PDIA5: variants seen among roughly 807,000 people sequenced by gnomAD.
PDIA5 encodes protein disulfide-isomerase A5.
Under a neutral mutation model 77.6 loss-of-function variants are expected in PDIA5, and 58 were observed. The observed-to-expected ratio is 0.75, with a 90% CI of 0.61 to 0.93. PDIA5 has a LOEUF of 0.93. Ranked by LOEUF, PDIA5 falls within the 40% of genes least tolerant of loss-of-function variation. PDIA5 has a pLI of 0.00. For synonymous variants in PDIA5, 250 were observed against 252.1 expected, an observed-to-expected ratio of 0.99 and a Z score of 0.08; for missense variants, 630 against 647.7, an observed-to-expected ratio of 0.97 and a Z score of 0.30.
At chr3:123,086,123 A>C (rs1934131904) in intron 1 of PDIA5, among the ~76,000 whole-genome samples, 3 of 152,162 alleles carry the variant, frequency 2.0e-5, no homozygotes, top group Admixed American at 2.0e-4. Context: ...TTGAATTCCA[A>C]TGGCAGATTA....
At chr3:123,087,689 G>A (rs1253924131) in intron 1 of PDIA5, among the ~76,000 whole-genome samples, 1 of 151,764 alleles carries the variant, frequency 6.6e-6, no homozygotes, top group Non-Finnish European at 1.5e-5. Context: ...CCATTGGTTT[G>A]TTCTGGTCTC....
intron 1 of PDIA5, among the ~76,000 whole-genome samples, chr3:123,073,544 C>T (rs1421166056): frequency 2.6e-5 from 4 of 152,354 alleles, no homozygotes; most frequent in Admixed American, 2.6e-4. Flanking sequence ...CCTACATCAG[C>T]AGGGCCTCTT....
At chr3:123,105,797 G>A (rs745944614) in intron 5 of PDIA5, among the ~76,000 whole-genome samples, 6 of 152,084 alleles carry the variant, frequency 3.9e-5, no homozygotes, top group Non-Finnish European at 7.4e-5. Flanking sequence ...TCGCTGGAGC[G>A]TGGTCAAAGT....
chr3:123,131,970 C>A (rs538497645), intron 11 of PDIA5, among the ~76,000 whole-genome samples: 4 of 152,172 alleles, frequency 2.6e-5, no homozygotes, highest in African/African-American at 9.6e-5. Context: ...GATGGTTAGT[C>A]CATAGAGGCA....
At chr3:123,086,094 C>T (rs915530520) in intron 1 of PDIA5, among the ~76,000 whole-genome samples, 1 of 152,104 alleles carries the variant, frequency 6.6e-6, no homozygotes, top group Non-Finnish European at 1.5e-5. Flanking sequence ...GATGGGTTTA[C>T]TCTGGGAAGA....
At chr3:123,140,594 G>GCCTGTGGAGAGGT (rs112965174) in intron 11 of PDIA5, among the ~76,000 whole-genome samples, 55,647 of 151,966 alleles carry the variant, frequency 0.37, 11,756 homozygotes, top group African/African-American at 0.59. Flanking sequence ...GGTGGATGTT[G>GCCTGTGGAGAGGT]CCTATCCATC....
At chr3:123,082,367 G>C (rs1210639669) in intron 1 of PDIA5, among the ~76,000 whole-genome samples, 1 of 152,060 alleles carries the variant, frequency 6.6e-6, no homozygotes, top group African/African-American at 2.4e-5. Flanking sequence ...GTGTGACCTT[G>C]GTAATTAATG....
At chr3:123,147,628 T>C (rs955187896) in intron 13 of PDIA5, among the ~76,000 whole-genome samples, 2 of 152,222 alleles carry the variant, frequency 1.3e-5, no homozygotes, top group Non-Finnish European at 2.9e-5. Context: ...GATGAGATCC[T>C]GGCCTCAGCT....
intron 8 of PDIA5, among the ~76,000 whole-genome samples, chr3:123,117,387 T>C (rs550422404): frequency 7.4e-6 from 1 of 135,194 alleles, no homozygotes; most frequent in African/African-American, 2.8e-5. Flanking sequence ...TATATATATA[T>C]ATATATATAT....
rs1295947127 is a variant in PDIA5, at chr3:123,067,185, G to A, written c.21G>A (p.Ala7=). 14 of 1,247,424 alleles carry A rather than the reference G, an allele frequency of 1.1e-5. No individual in the cohort carries two copies. Among genetic ancestry groups the A allele is most frequent in the South Asian group, 3.9e-5 (1 of 25,362 alleles). 77.3% of individuals were successfully genotyped at this position (1,247,424 alleles called of 1,614,324 possible). A position where few individuals can be genotyped will look rare whatever the true frequency, so the allele number is the denominator to read the frequency against. MARAGP[A]WLLLAIWVVL... ...CTGGGATGGCGCGGGCCGGGCCGGC[G>A]TGGCTGCTGCTGGCAATCTGGGTGA... is the stretch of plus-strand genomic sequence containing the variant. Residue 7 remains alanine, a synonymous_variant, in exon 1 of 17, where the codon GCG becomes GCA. Transcript: ENST00000316218.
intron 10 of PDIA5, among the ~76,000 whole-genome samples, chr3:123,130,199 T>A (rs1467404046): frequency 6.6e-6 from 1 of 152,228 alleles, no homozygotes; most frequent in African/African-American, 2.4e-5. Context: ...GAAGTGAGAT[T>A]TCTTAGGCTA....
intron 11 of PDIA5, among the ~76,000 whole-genome samples, chr3:123,144,162 G>C (rs1560552968): frequency 6.6e-6 from 1 of 152,198 alleles, no homozygotes; most frequent in African/African-American, 2.4e-5. Flanking sequence ...CTCAGCTGGA[G>C]GCAGGAAAGC....
chr3:123,091,770 G>C (rs925710359), intron 2 of PDIA5, among the ~76,000 whole-genome samples: 4 of 152,164 alleles, frequency 2.6e-5, no homozygotes, highest in Non-Finnish European at 5.9e-5. Context: ...ATGTGGCTTA[G>C]GTGTCTTTGG....
intron 13 of PDIA5, among the ~76,000 whole-genome samples, chr3:123,147,653 CT>C (rs2107984008): frequency 6.6e-6 from 1 of 152,290 alleles, no homozygotes; most frequent in East Asian, 1.9e-4. Context: ...CCACTTTGTC[CT>C]GCTCATCCAC....
At chr3:123,124,202 G>A (rs1935188473) in intron 9 of PDIA5, 45 bp downstream of exon 9, 2 of 1,576,616 alleles carry the variant, frequency 1.3e-6, no homozygotes. Flanking sequence ...CCTCCCTGGT[G>A]ATTGACCATA....
rs1049035691 is a variant in PDIA5 at position 123,102,004 on chromosome 3, G to A, written c.258-407G>A. On this transcript the variant is annotated intron_variant, in intron 3 of 16. Transcript: ENST00000316218. ...GGCTCACTGCAACCTCTGCCTCCTG[G>A]GTTCAAGCGATTCTCCTGCCTCAGC... 1.8e-4 allele frequency among the ~76,000 whole-genome samples: 25 copies of A among 139,630 alleles called. No individual in the cohort carries two copies. The South Asian group carries it at 1.9e-3, about 11-fold the overall frequency. The allele number at this position is 139,630 out of a possible 152,430, so 91.6% of individuals were successfully genotyped here.
intron 10 of PDIA5, among the ~76,000 whole-genome samples, chr3:123,124,586 G>T (rs1358193386): frequency 1.3e-5 from 2 of 152,222 alleles, no homozygotes; most frequent in African/African-American, 2.4e-5. Flanking sequence ...CTGCCTGGGT[G>T]TTGGGTGTGG....
chr3:123,089,143 C>T (rs1477080036), intron 1 of PDIA5, 25 bp from the exon 2 acceptor site: 2 of 1,605,596 alleles, frequency 1.2e-6, no homozygotes, highest in Middle Eastern at 1.7e-4. Flanking sequence ...CTGGAACTCA[C>T]AGTCGTTGGC....
intron 2 of PDIA5, among the ~76,000 whole-genome samples, chr3:123,091,214 C>T (rs144610733): frequency 6.6e-6 from 1 of 152,086 alleles, no homozygotes; most frequent in Non-Finnish European, 1.5e-5. Flanking sequence ...GTCTCTTGAG[C>T]GATACTTTTG....
Sources: gnomAD v4.1 joint callset for allele counts (sites outside exome capture counted in the v4.1 genomes callset) on GRCh38, gnomAD v4.1.1 for gene constraint, MANE v1.5 for transcripts, NCBI Gene and HGNC (gene_info 2026-07-23, HGNC 2026-07-21) for gene names.